Variants in TAFA2 observed in about 807,000 individuals in gnomAD.
The protein encoded by TAFA2 is chemokine-like protein TAFA-2.
In TAFA2, 7 loss-of-function variants were observed where a neutral mutation model predicts 18.8. The observed-to-expected ratio is 0.37, with a 90% CI of 0.21 to 0.70. TAFA2 has a LOEUF of 0.70. Among genes scored for constraint, TAFA2 ranks in the 30% least tolerant of loss-of-function variants. TAFA2 has a pLI of 0.53. For synonymous variants in TAFA2, 60 were observed against 54.2 expected, an observed-to-expected ratio of 1.11 and a Z score of -0.47; for missense variants, 122 against 158.1, an observed-to-expected ratio of 0.77 and a Z score of 1.23.
chr12:61,965,838 G>A (rs1320531974), intron 1 of TAFA2, among the ~76,000 whole-genome samples: 1 of 151,832 alleles, frequency 6.6e-6, no homozygotes, highest in African/African-American at 2.4e-5. Context: ...TTGTGCAGCC[G>A]CTGAATCTCC....
chr12:61,758,183 G>A (rs1427010387), intron 2 of TAFA2, among the ~76,000 whole-genome samples: 2 of 152,014 alleles, frequency 1.3e-5, no homozygotes, highest in African/African-American at 4.8e-5. Flanking sequence ...AGTAAGTTTA[G>A]TAGAGAAGGA....
chr12:61,823,921 G>C (rs529343244), intron 2 of TAFA2, among the ~76,000 whole-genome samples: 4 of 152,232 alleles, frequency 2.6e-5, no homozygotes, highest in African/African-American at 7.2e-5. Context: ...CCAACACCTG[G>C]TGTCTATAGT....
chr12:62,076,794 G>A (rs1410120358), intron 1 of TAFA2, among the ~76,000 whole-genome samples: 4 of 152,280 alleles, frequency 2.6e-5, no homozygotes, highest in East Asian at 1.9e-4. Flanking sequence ...TTCTTATCAC[G>A]CAAATATCTT....
chr12:62,031,127 G>A (rs2136745952), intron 1 of TAFA2, among the ~76,000 whole-genome samples: 1 of 152,174 alleles, frequency 6.6e-6, no homozygotes, highest in African/African-American at 2.4e-5. Context: ...CAATTTGATT[G>A]GATTGAAGGA....
chr12:61,872,839 T>C (rs1487681283), intron 1 of TAFA2, among the ~76,000 whole-genome samples: 5 of 148,834 alleles, frequency 3.4e-5, no homozygotes, highest in South Asian at 2.2e-4. Context: ...CCCTCCAGAG[T>C]CCAGAGAGAC....
At chr12:61,874,514 C>T (rs1405234516) in intron 1 of TAFA2, among the ~76,000 whole-genome samples, 5 of 152,128 alleles carry the variant, frequency 3.3e-5, no homozygotes, top group African/African-American at 1.2e-4. Context: ...AAATTTTATA[C>T]TTTCATTCAT....
At chr12:61,853,248 A>C (rs545650850) in intron 2 of TAFA2, among the ~76,000 whole-genome samples, 2 of 152,194 alleles carry the variant, frequency 1.3e-5, no homozygotes, top group Non-Finnish European at 2.9e-5. Context: ...TTTACAAAGC[A>C]TCTGCTTTGT....
chr12:61,789,802 T>A (rs1358773384), intron 2 of TAFA2, among the ~76,000 whole-genome samples: 2 of 151,814 alleles, frequency 1.3e-5, no homozygotes, highest in African/African-American at 4.8e-5. Context: ...AAGGAAGTAA[T>A]ACCAACTCAT....
chr12:62,151,645 T>C (rs1350159029), intron 1 of TAFA2, among the ~76,000 whole-genome samples: 1 of 152,216 alleles, frequency 6.6e-6, no homozygotes, highest in East Asian at 1.9e-4. Flanking sequence ...TTATTCTGAT[T>C]CCAACTGTAA....
chr12:61,909,811 A>G (rs1876523334), intron 1 of TAFA2, among the ~76,000 whole-genome samples: 1 of 152,178 alleles, frequency 6.6e-6, no homozygotes, highest in Non-Finnish European at 1.5e-5. Context: ...GTAGGGTTTT[A>G]AAGAGAGTGA....
intron 1 of TAFA2, among the ~76,000 whole-genome samples, chr12:62,178,695 G>C (rs1167602233): frequency 6.6e-6 from 1 of 152,170 alleles, no homozygotes; most frequent in Non-Finnish European, 1.5e-5. Flanking sequence ...GGCATCCCTA[G>C]CACTTATGGA....
intron 1 of TAFA2, among the ~76,000 whole-genome samples, chr12:62,165,434 A>C (rs908660386): frequency 4.6e-5 from 7 of 152,112 alleles, no homozygotes; most frequent in African/African-American, 1.7e-4. Flanking sequence ...CTCTGTATGA[A>C]GATAACCTCA....
chr12:62,251,794 T>C (rs2062915337), intron 1 of TAFA2, among the ~76,000 whole-genome samples: 1 of 152,158 alleles, frequency 6.6e-6, no homozygotes, highest in East Asian at 1.9e-4. Flanking sequence ...GAAGAGAGCA[T>C]GAACTACACA....
At chr12:61,882,449 T>A (rs1875189485) in intron 1 of TAFA2, among the ~76,000 whole-genome samples, 1 of 152,136 alleles carries the variant, frequency 6.6e-6, no homozygotes, top group Non-Finnish European at 1.5e-5. Context: ...TTAGAATACT[T>A]TGGTAAAATT....
chr12:62,233,268 A>C (rs533528401), intron 1 of TAFA2, among the ~76,000 whole-genome samples: 104 of 151,356 alleles, frequency 6.9e-4, no homozygotes, highest in South Asian at 3.6e-3. Flanking sequence ...TTTTGTAGAG[A>C]TGGGGTTTCA....
At chr12:61,979,905 T>C (rs1352018434) in intron 1 of TAFA2, among the ~76,000 whole-genome samples, 2 of 152,012 alleles carry the variant, frequency 1.3e-5, no homozygotes, top group Non-Finnish European at 2.9e-5. Context: ...TAAGAAAAAT[T>C]AACCACCCTC....
intron 1 of TAFA2, chr12:62,235,158 G>C: frequency 3.0e-6 from 2 of 665,252 alleles, no homozygotes; most frequent in Non-Finnish European, 5.8e-6. Flanking sequence ...CTCTTGCTGA[G>C]GGGGAGACAC....
In TAFA2 at chr12:62,146,284, C is replaced by CTTTT. The variant is rs11415151; in HGVS notation, c.-2+44971_-2+44974dup. 2.0e-4 allele frequency among the ~76,000 whole-genome samples: 23 copies of CTTTT among 117,694 alleles called. 1 individual carries two copies. The highest frequency in any genetic ancestry group is 2.9e-4 in the African/African-American group (9 of 31,128). The allele number at this position is 117,694 out of a possible 152,430, so 77.2% of individuals were successfully genotyped here. On this transcript the variant is annotated intron_variant, in intron 1 of 4. Coordinates refer to ENST00000416284, the MANE Select transcript of TAFA2 (RefSeq NM_178539.5). ...CTTCAAAGCTTTCTCCCCTTTGCTG[C>CTTTT]TTTTTTTTTTTTTTTTTTTGACAGG...
intron 1 of TAFA2, among the ~76,000 whole-genome samples, chr12:61,913,781 T>C (rs1194552226): frequency 6.6e-6 from 1 of 152,164 alleles, no homozygotes; most frequent in African/African-American, 2.4e-5. Context: ...GAAGAACATA[T>C]GCTTCAAAGG....
Sources: gnomAD v4.1 joint callset for allele counts (sites outside exome capture counted in the v4.1 genomes callset) on GRCh38, gnomAD v4.1.1 for gene constraint, MANE v1.5 for transcripts, NCBI Gene and HGNC (gene_info 2026-07-23, HGNC 2026-07-21) for gene names.